The following G3BP2 variants were observed in gnomAD, a reference collection of about 807,000 sequenced individuals.
G3BP2 encodes the protein ras GTPase-activating protein-binding protein 2.
G3BP2 carries 11 observed loss-of-function variants against 56.7 expected under a neutral mutation model. The ratio of observed to expected loss-of-function variants is 0.19; its 90% CI spans 0.12 to 0.32. The LOEUF (loss-of-function observed/expected upper bound fraction) is 0.32. G3BP2 is among the 10% of genes least tolerant of loss of function. The pLI is 1.00. For synonymous variants in G3BP2, 165 were observed against 191.6 expected (o/e 0.86, Z 1.15); for missense variants, 340 against 610.9 (o/e 0.56, Z 4.67).
In G3BP2 at chr4:75,646,414, A is replaced by G; in HGVS notation, c.1100T>C (p.Val367Ala). 1 of 1,609,194 alleles carries G rather than the reference A, an allele frequency of 6.2e-7. No individual in the cohort carries two copies. The highest frequency in any genetic ancestry group is 8.5e-7 in the Non-Finnish European group (1 of 1,177,704). The part of the protein sequence containing the change: ...VVELRINTKG[V>A]GGKLPNFGFV... ...ACCAAAATTTGGAAGCTTTCCCCCA[A>G]CACCCTTGGTATTGATGCGAAGTTC... The change falls in exon 11 of 12, where the codon GTT becomes GCT. Residue 367 changes from valine (V) to alanine (A), a missense_variant. By Grantham distance (64) the Val-to-Ala change is moderately conservative. Around this residue, in one of 4 missense-constraint regions of G3BP2, gnomAD observed 94 missense variants for 173.8 expected, o/e 0.54. Transcript: ENST00000359707.
intron 3 of G3BP2, among the ~76,000 whole-genome samples, chr4:75,708,809 T>TA (rs978098787): frequency 3.3e-5 from 5 of 150,470 alleles, no homozygotes; most frequent in African/African-American, 1.2e-4. Flanking sequence ...TCTACAAAAA[T>TA]AAAAAACAAA....
At chr4:75,671,109 G>A (rs1733449684) in intron 1 of G3BP2, among the ~76,000 whole-genome samples, 1 of 152,166 alleles carries the variant, frequency 6.6e-6, no homozygotes, top group Non-Finnish European at 1.5e-5. Flanking sequence ...CCTTCCTGAA[G>A]GTGGGTGGAC....
intron 3 of G3BP2, among the ~76,000 whole-genome samples, chr4:75,657,970 T>C (rs1158411889): frequency 6.6e-6 from 1 of 152,216 alleles, no homozygotes; most frequent in African/African-American, 2.4e-5. Flanking sequence ...CACTTTTCTG[T>C]AGTAAGTATT....
intron 2 of G3BP2, among the ~76,000 whole-genome samples, chr4:75,660,559 C>T (rs138602169): frequency 9.9e-5 from 15 of 152,136 alleles, no homozygotes; most frequent in African/African-American, 3.6e-4. Context: ...ATAAGGAATA[C>T]ATAATATACA....
At chr4:75,703,729 TGAA>T (rs1468290359) in intron 3 of G3BP2, among the ~76,000 whole-genome samples, 1 of 152,150 alleles carries the variant, frequency 6.6e-6, no homozygotes, top group Non-Finnish European at 1.5e-5. Context: ...GACTGAAAAC[TGAA>T]GAATAAGCAG....
rs777490092 is a variant in G3BP2 at position 75,645,495 on chromosome 4, G to A, written c.1384C>T (p.Gln462Ter). 1 of 1,613,830 alleles carries A rather than the reference G, an allele frequency of 6.2e-7. No homozygotes were observed. The highest frequency in any genetic ancestry group is 1.3e-5 in the African/African-American group (1 of 74,844). Residue 462 changes from glutamine (Q) to a stop codon, truncating the protein, a stop_gained, in exon 12 of 12, where the codon CAG (glutamine) becomes TAG (stop). Transcript: ENST00000359707. LOFTEE classifies it high-confidence loss of function. ...RGPPPRGGMA[Q>*]KLGSGRGTGQ... ...GTTCCTCTTCCAGAGCCAAGTTTCT[G>A]TGCCATGCCACCCCTTGGAGGAGGT...
intron 3 of G3BP2, among the ~76,000 whole-genome samples, chr4:75,689,474 T>G (rs1180372934): frequency 6.6e-6 from 1 of 152,232 alleles, no homozygotes; most frequent in Non-Finnish European, 1.5e-5. Flanking sequence ...GTCAAATGTT[T>G]ATAATATATT....
chr4:75,688,686 G>A (rs1346148793), intron 3 of G3BP2, among the ~76,000 whole-genome samples: 1 of 152,160 alleles, frequency 6.6e-6, no homozygotes, highest in Non-Finnish European at 1.5e-5. Context: ...CCTTTACTCT[G>A]AAGGGCAAAA....
intron 3 of G3BP2, among the ~76,000 whole-genome samples, chr4:75,683,143 T>C (rs1157856401): frequency 6.6e-6 from 1 of 152,148 alleles, no homozygotes; most frequent in Admixed American, 6.6e-5. Context: ...GTGTAACCAC[T>C]TCCTTGTAGA....
intron 8 of G3BP2, chr4:75,649,214 C>G (rs986444907): frequency 5.2e-5 from 8 of 152,562 alleles, no homozygotes; most frequent in African/African-American, 1.9e-4. Flanking sequence ...AATCTCTGCC[C>G]ATAACCTTAA....
upstream of G3BP2, chr4:75,673,618 G>A (rs1224134735): frequency 8.9e-6 from 11 of 1,230,944 alleles, no homozygotes; most frequent in African/African-American, 7.8e-5. Context: ...CCGGCCTAAA[G>A]CCAAGATAAG....
At chr4:75,673,591 A>C (rs528735895), upstream of G3BP2, 2 of 1,231,830 alleles carry the variant, frequency 1.6e-6, no homozygotes, top group South Asian at 8.2e-5. Context: ...CGCGCCCGGA[A>C]AGCCGGGGAA....
At chr4:75,650,932 G>A (rs9306994) in intron 8 of G3BP2, among the ~76,000 whole-genome samples, 46,617 of 152,130 alleles carry the variant, frequency 0.31, 8,663 homozygotes, top group East Asian at 0.77. Flanking sequence ...CAGATGTTCA[G>A]TAACTATTTG....
rs1028203332 is a variant in G3BP2 at position 75,673,029 on chromosome 4, G to C, written c.-25+179C>G. On this transcript the variant is annotated intron_variant, in intron 1 of 11. Coordinates refer to ENST00000359707, the MANE Select transcript of G3BP2 (RefSeq NM_203505.3). ...CCTCCCACCCCTCACCTAGAGGAAAGACTGGTCTTCTCTCACGCACACACG... is the reference window on the plus strand; with the variant it reads ...CCTCCCACCCCTCACCTAGAGGAAACACTGGTCTTCTCTCACGCACACACG... The C allele has an allele frequency of 3.0e-6, 3 of 990,580 alleles. No homozygotes were observed. In the African/African-American group the frequency reaches 5.2e-5, roughly 17 times the overall value. 61.4% of individuals were successfully genotyped at this position (990,580 alleles called of 1,614,324 possible).
rs1730945204 is a variant in G3BP2 at position 75,642,813 on chromosome 4, T to C, written c.*2617A>G. The C allele has an allele frequency of 6.6e-6, 1 of 152,614 alleles. No homozygotes were observed. Among genetic ancestry groups the C allele is most frequent in the Admixed American group, 6.5e-5 (1 of 15,284 alleles). The allele number at this position is 152,614 out of a possible 1,614,324, so 9.5% of individuals were successfully genotyped here. A position where few individuals can be genotyped will look rare whatever the true frequency, so the allele number is the denominator to read the frequency against. On this transcript the variant is annotated 3_prime_UTR_variant, in exon 12 of 12. Coordinates refer to ENST00000359707, the MANE Select transcript of G3BP2 (RefSeq NM_203505.3). ...CTGCAGACATCAGTAGTTTATTGTTTGTTTAGTCCAAACACATTCAATATG... is the reference window on the plus strand; with the variant it reads ...CTGCAGACATCAGTAGTTTATTGTTCGTTTAGTCCAAACACATTCAATATG...
chr4:75,710,516 A>T (rs2149108099), intron 3 of G3BP2, among the ~76,000 whole-genome samples: 1 of 152,334 alleles, frequency 6.6e-6, no homozygotes, highest in East Asian at 1.9e-4. Flanking sequence ...ACTTTCTCCC[A>T]CAAGAATACA....
At chr4:75,654,934 CCCCACAGCTT>C in intron 7 of G3BP2, 122 bp downstream of exon 7, 1 of 649,552 alleles carries the variant, frequency 1.5e-6, no homozygotes, top group Non-Finnish European at 2.6e-6. Flanking sequence ...AACAAACAAA[CCCCACAGCTT>C]CTTTCATATA....
chr4:75,658,752 G>T, intron 3 of G3BP2, 91 bp downstream of exon 3: 1 of 790,550 alleles, frequency 1.3e-6, no homozygotes, highest in Non-Finnish European at 2.1e-6. Flanking sequence ...AAGAAAGAAA[G>T]AAAAAAAAAG....
chr4:75,662,415 T>TA (rs530917903), intron 1 of G3BP2: 193 of 157,498 alleles, frequency 1.2e-3, no homozygotes, highest in Middle Eastern at 9.7e-3. Flanking sequence ...AGAGACGGGG[T>TA]TTCTCCATGT....
Sources: allele counts gnomAD v4.1 joint callset (sites outside exome capture counted in the v4.1 genomes callset), GRCh38; gene constraint gnomAD v4.1.1; regional missense constraint gnomAD v4.1.1; transcripts MANE v1.5; gene names NCBI Gene and HGNC (gene_info 2026-07-23, HGNC 2026-07-21).